The following ATP13A5 variants were observed in gnomAD, a reference collection of about 807,000 sequenced individuals.
ATP13A5 encodes the protein probable cation-transporting ATPase 13A5.
A neutral mutation model predicts 150.2 loss-of-function variants in ATP13A5; 149 were observed. That is an observed-to-expected ratio of 0.99 (90% confidence interval 0.87 to 1.14). The LOEUF (loss-of-function observed/expected upper bound fraction) is 1.14. Among genes scored for constraint, ATP13A5 ranks in the 50% most tolerant of loss-of-function variants. The probability of loss-of-function intolerance (pLI) is 0.00; values close to 1 mark genes in which losing one functional copy is unlikely to be tolerated. For missense variants in ATP13A5, 1,383 were observed against 1,449.3 expected, an observed-to-expected ratio of 0.95 and a Z score of 0.74; for synonymous variants, 497 against 522.2, an observed-to-expected ratio of 0.95 and a Z score of 0.66.
At chr3:193,310,497 T>C in intron 21 of ATP13A5, 141 bp downstream of exon 21, 1 of 623,508 alleles carries the variant, frequency 1.6e-6, no homozygotes, top group Non-Finnish European at 2.8e-6. Context: ...AGTGTATAAG[T>C]GTTCCCTTTT....
Position 193,363,222 on chromosome 3 carries a change from T to G in ATP13A5, c.384+14A>C. The G allele has an allele frequency of 1.2e-6, 2 of 1,611,294 alleles. No homozygotes were observed. Among genetic ancestry groups the G allele is most frequent in the Non-Finnish European group, 1.7e-6 (2 of 1,178,688 alleles). ...TGTAAACATGCATAACACCATACCC[T>G]TCAAGTAACTTACTTTTAATTCTGG... is the stretch of plus-strand genomic sequence containing the variant. On this transcript the variant is annotated intron_variant, in intron 3 of 29. Coordinates refer to ENST00000342358, the MANE Select transcript of ATP13A5 (RefSeq NM_198505.4).
chr3:193,318,889 T>G, intron 17 of ATP13A5, 102 bp downstream of exon 17: 1 of 804,844 alleles, frequency 1.2e-6, no homozygotes, highest in Non-Finnish European at 2.1e-6. Flanking sequence ...TCTCTGTCTC[T>G]GAGAGCCTTC....
At position 193,314,104 on chromosome 3, in the gene ATP13A5, G is replaced by T; in HGVS notation, c.2248C>A (p.Pro750Thr). The change falls in exon 19 of 30, where the codon CCA becomes ACA. Residue 750 changes from proline to threonine, a missense_variant. By Grantham distance (38) the Pro-to-Thr change is conservative. This residue lies in a region of ATP13A5 where 568 missense variants were observed against 621.5 expected (regional missense o/e 0.91). Coordinates refer to ENST00000342358, the MANE Select transcript of ATP13A5 (RefSeq NM_198505.4). The part of the protein sequence containing the change: ...SQVIIVEADE[P>T]EEFVPASVTW... Reference sequence around the variant, plus strand: ...ACAGAGGCAGGAACAAATTCTTCTGGTTCATCGGCCTCAACAATGATCACT... The same window carrying T: ...ACAGAGGCAGGAACAAATTCTTCTGTTTCATCGGCCTCAACAATGATCACT... 6.2e-7 allele frequency: 1 copy of T among 1,613,902 alleles called. No individual in the cohort carries two copies. Among genetic ancestry groups the T allele is most frequent in the Non-Finnish European group, 8.5e-7 (1 of 1,179,884 alleles).
chr3:193,275,180 T>G lies in ATP13A5; in HGVS notation c.3519A>C (p.Ile1173=), dbSNP rs188756416. ...CATCACCTGAATAATCTGTCCTGTT[T>G]ATGGGAGGCCAGGTTGAGTCTTCTG... ...KLAEDSTWPP[I]NRTDYSGDGK... Residue 1173 remains isoleucine, a synonymous_variant, in exon 30 of 30, where the codon ATA becomes ATC. Coordinates refer to ENST00000342358, the MANE Select transcript of ATP13A5 (RefSeq NM_198505.4). 219 of 1,614,234 alleles carry G rather than the reference T, an allele frequency of 1.4e-4. No individual in the cohort carries two copies. The highest frequency in any genetic ancestry group is 1.6e-4 in the Non-Finnish European group (188 of 1,180,038).
intron 19 of ATP13A5, among the ~76,000 whole-genome samples, chr3:193,312,310 C>T (rs112308749): frequency 2.6e-4 from 39 of 152,256 alleles, no homozygotes; most frequent in African/African-American, 8.2e-4. Context: ...TTTCTAAGAT[C>T]TCTACCATTC....
chr3:193,275,047 G>A lies in ATP13A5; in HGVS notation c.3652C>T (p.Leu1218=), dbSNP rs747887517. 4 of 1,613,866 alleles carry A rather than the reference G, an allele frequency of 2.5e-6. No individual in the cohort carries two copies. The African/African-American group carries it at 4.0e-5, about 16-fold the overall frequency. The change falls in exon 30 of 30, where the codon CTG becomes TTG. Residue 1218 remains leucine (L), a synonymous_variant. Transcript: ENST00000342358. ...ATGTACGACGACAATTCTGATTACA[G>A]CCTGGCCCAGAAATGCTGTTCTGTG... ...QPTEQHFWAR[L]
At chr3:193,280,908 T>C (rs1321332660) in intron 27 of ATP13A5, among the ~76,000 whole-genome samples, 1 of 152,156 alleles carries the variant, frequency 6.6e-6, no homozygotes, top group Non-Finnish European at 1.5e-5. Context: ...TCTACAGGCC[T>C]ATACCAACCA....
chr3:193,349,296 C>G (rs1281979742), intron 7 of ATP13A5, among the ~76,000 whole-genome samples: 5 of 152,074 alleles, frequency 3.3e-5, no homozygotes, highest in Admixed American at 3.3e-4. Flanking sequence ...ATACTGCCAC[C>G]AAGTCTAAAG....
rs144816946 is a variant in ATP13A5, at chr3:193,326,936, T to G, written c.1523+60A>C. 13 of 1,457,344 alleles carry G rather than the reference T, an allele frequency of 8.9e-6. No homozygotes were observed. In the South Asian group the frequency reaches 1.3e-4, roughly 14 times the overall value. The allele number at this position is 1,457,344 out of a possible 1,614,324, so 90.3% of individuals were successfully genotyped here. A position where few individuals can be genotyped will look rare whatever the true frequency, so the allele number is the denominator to read the frequency against. On this transcript the variant is annotated intron_variant, in intron 13 of 29. Transcript: ENST00000342358. ...ATCCCTTAACACCCAAAAGATGGAT[T>G]TGAGTATCATCCAGGTAACTCCACC...
chr3:193,369,114 C>T (rs778095028), intron 1 of ATP13A5, among the ~76,000 whole-genome samples: 5 of 151,874 alleles, frequency 3.3e-5, no homozygotes, highest in Non-Finnish European at 7.4e-5. Context: ...AATGGTGGTG[C>T]ACACCTGTTG....
At chr3:193,320,357 G>C (rs1292639345) in intron 16 of ATP13A5, among the ~76,000 whole-genome samples, 1 of 152,148 alleles carries the variant, frequency 6.6e-6, no homozygotes, top group Non-Finnish European at 1.5e-5. Flanking sequence ...AATGGGGTAC[G>C]GTGGTGGTGG....
At chr3:193,281,164 G>C (rs1368756778) in intron 27 of ATP13A5, 6 of 985,052 alleles carry the variant, frequency 6.1e-6, no homozygotes, top group Non-Finnish European at 7.2e-6. Context: ...TCAGGAAATA[G>C]CTGTGTGGAT....
At chr3:193,356,347 T>G (rs1712789432) in intron 5 of ATP13A5, among the ~76,000 whole-genome samples, 1 of 152,142 alleles carries the variant, frequency 6.6e-6, no homozygotes, top group South Asian at 2.1e-4. Context: ...TCCGAATGCC[T>G]AAAACAGAGC....
chr3:193,279,011 CTACTT>C (rs1211147269), intron 28 of ATP13A5, among the ~76,000 whole-genome samples: 1 of 152,054 alleles, frequency 6.6e-6, no homozygotes, highest in Non-Finnish European at 1.5e-5. Context: ...CCCTTTATAA[CTACTT>C]TATAAAGGAT....
At chr3:193,278,131 T>G (rs1675774741) in intron 28 of ATP13A5, among the ~76,000 whole-genome samples, 1 of 152,178 alleles carries the variant, frequency 6.6e-6, no homozygotes, top group Non-Finnish European at 1.5e-5. Flanking sequence ...TGCAATGGTC[T>G]TCTCCCCTAG....
At chr3:193,305,818 G>T in intron 22 of ATP13A5, 150 bp from the exon 23 acceptor site, 1 of 665,414 alleles carries the variant, frequency 1.5e-6, no homozygotes, top group Non-Finnish European at 2.6e-6. Context: ...TCCACCTGGA[G>T]TGCCCTCTCT....
chr3:193,330,211 C>CTCCAAGCGTGGCAGG (rs1711577673), intron 12 of ATP13A5, among the ~76,000 whole-genome samples: 1 of 152,166 alleles, frequency 6.6e-6, no homozygotes, highest in African/African-American at 2.4e-5. Context: ...GGTAACTGTG[C>CTCCAAGCGTGGCAGG]CCCGCGCTTT....
chr3:193,342,367 T>C (rs936823801), intron 9 of ATP13A5, among the ~76,000 whole-genome samples: 3 of 152,168 alleles, frequency 2.0e-5, no homozygotes, highest in African/African-American at 7.2e-5. Context: ...AATATGTACA[T>C]GAGTGGGAGG....
At chr3:193,281,808 G>A (rs150228942) in intron 27 of ATP13A5, among the ~76,000 whole-genome samples, 14 of 152,108 alleles carry the variant, frequency 9.2e-5, no homozygotes, top group African/African-American at 2.4e-4. Flanking sequence ...TCTGGTATAG[G>A]GGTTTGAATT....
Sources: allele counts gnomAD v4.1 joint callset (sites outside exome capture counted in the v4.1 genomes callset), GRCh38; gene constraint gnomAD v4.1.1; regional missense constraint gnomAD v4.1.1; transcripts MANE v1.5; gene names NCBI Gene and HGNC (gene_info 2026-07-23, HGNC 2026-07-21).